The following TLL1 variants were observed in gnomAD, a reference collection of about 807,000 sequenced individuals.
TLL1 encodes tolloid-like protein 1.
Under a neutral mutation model 128.2 loss-of-function variants are expected in TLL1, and 49 were observed. The observed-to-expected ratio is 0.38, with a 90% CI of 0.30 to 0.48. The LOEUF (loss-of-function observed/expected upper bound fraction) is 0.48, where lower values mean the gene tolerates loss of function less well. Among genes scored for constraint, TLL1 ranks in the 20% least tolerant of loss-of-function variants. The pLI is 0.96. For synonymous variants in TLL1, 454 were observed against 418.8 expected (o/e 1.08, Z -1.03); for missense variants, 1,123 against 1,242.0 (o/e 0.90, Z 1.44).
chr4:166,017,089 C>T (rs1232645535), intron 8 of TLL1, among the ~76,000 whole-genome samples: 1 of 151,988 alleles, frequency 6.6e-6, no homozygotes, highest in Non-Finnish European at 1.5e-5. Context: ...TGCCGCCTCC[C>T]ACTCCCTCCC....
At chr4:165,961,787 A>G (rs940292087) in intron 1 of TLL1, among the ~76,000 whole-genome samples, 2 of 152,222 alleles carry the variant, frequency 1.3e-5, no homozygotes, top group Non-Finnish European at 2.9e-5. Flanking sequence ...ATGAAACTTG[A>G]TCTCTACCTG....
At chr4:166,087,840 T>C (rs1043156100) in intron 18 of TLL1, among the ~76,000 whole-genome samples, 1 of 152,150 alleles carries the variant, frequency 6.6e-6, no homozygotes, top group Non-Finnish European at 1.5e-5. Flanking sequence ...CCACAGCCTA[T>C]AACGAGAGTT....
At chr4:166,046,616 A>G (rs1739469806) in intron 12 of TLL1, among the ~76,000 whole-genome samples, 1 of 152,194 alleles carries the variant, frequency 6.6e-6, no homozygotes, top group Non-Finnish European at 1.5e-5. Context: ...ATTTTGAGTC[A>G]CCTAATGTGC....
chr4:166,063,008 T>A (rs79575914), intron 15 of TLL1, among the ~76,000 whole-genome samples: 65,319 of 152,048 alleles, frequency 0.43, 15,234 homozygotes, highest in African/African-American at 0.63. Flanking sequence ...TCTGTTTATA[T>A]GATGGATTAC....
chr4:166,038,212 T>C (rs1579656986), intron 9 of TLL1, among the ~76,000 whole-genome samples: 1 of 152,164 alleles, frequency 6.6e-6, no homozygotes, highest in Non-Finnish European at 1.5e-5. Flanking sequence ...TTTCTTTCCT[T>C]CCTCTCTCCT....
chr4:166,030,932 T>C (rs72974358), intron 9 of TLL1: 185,810 of 976,168 alleles, frequency 0.19, 18,682 homozygotes, highest in Middle Eastern at 0.24. Context: ...ACATTTAACT[T>C]TGTTTTAAAT....
intron 1 of TLL1, among the ~76,000 whole-genome samples, chr4:165,946,430 G>A (rs930815216): frequency 6.6e-6 from 1 of 151,704 alleles, no homozygotes; most frequent in Non-Finnish European, 1.5e-5. Context: ...TGACCTCCCA[G>A]GCTCAAGTCC....
intron 15 of TLL1, among the ~76,000 whole-genome samples, chr4:166,065,278 T>C (rs1199387000): frequency 1.3e-5 from 2 of 152,094 alleles, no homozygotes; most frequent in Non-Finnish European, 2.9e-5. Context: ...ATAATCTTTT[T>C]TATTATACAT....
rs80184553 is a variant in TLL1 at position 165,976,692 on chromosome 4, C to A, written c.170-12689C>A. ...CATAGTAGGATATTAAAGCTATACACCAATGAAACAGAATAAAAGGCTTAG... is the reference window on the plus strand; with the variant it reads ...CATAGTAGGATATTAAAGCTATACAACAATGAAACAGAATAAAAGGCTTAG... On this transcript the variant is annotated intron_variant, in intron 1 of 20. Transcript: ENST00000061240. Among the ~76,000 whole-genome samples the A allele has an allele frequency of 5.7e-3, 862 of 152,194 alleles. 6 individuals carry two copies. Among genetic ancestry groups the A allele is most frequent in the African/African-American group, 0.019 (804 of 41,522 alleles).
chr4:166,035,810 A>G (rs780951158), intron 9 of TLL1, among the ~76,000 whole-genome samples: 2 of 152,120 alleles, frequency 1.3e-5, no homozygotes, highest in Non-Finnish European at 2.9e-5. Context: ...ACAGACATAA[A>G]CAACATGTGG....
chr4:165,975,407 A>G (rs1357871672), intron 1 of TLL1, among the ~76,000 whole-genome samples: 2 of 152,164 alleles, frequency 1.3e-5, no homozygotes, highest in African/African-American at 2.4e-5. Context: ...TGTATAGGAA[A>G]AGAAATCTGC....
intron 5 of TLL1, among the ~76,000 whole-genome samples, chr4:166,001,750 G>A (rs1003791087): frequency 1.6e-4 from 24 of 149,728 alleles, no homozygotes; most frequent in African/African-American, 5.9e-4. Context: ...TGGGCCGATT[G>A]TGCCACTGCA....
chr4:165,984,594 A>G (rs1251270734), intron 1 of TLL1, among the ~76,000 whole-genome samples: 1 of 151,944 alleles, frequency 6.6e-6, no homozygotes, highest in African/African-American at 2.4e-5. Context: ...AATATCAATA[A>G]AAGCAGAAAG....
At chr4:165,984,822 T>G (rs1560790911) in intron 1 of TLL1, among the ~76,000 whole-genome samples, 1 of 151,992 alleles carries the variant, frequency 6.6e-6, no homozygotes, top group African/African-American at 2.4e-5. Context: ...AAGGCACCTG[T>G]CTTTTAATTG....
intron 1 of TLL1, among the ~76,000 whole-genome samples, chr4:165,960,796 G>A (rs1042000612): frequency 1.4e-4 from 21 of 151,950 alleles, no homozygotes; most frequent in African/African-American, 4.3e-4. Context: ...ACTAGGCATC[G>A]AAGAAACATG....
At chr4:165,984,543 T>C (rs1308269896) in intron 1 of TLL1, among the ~76,000 whole-genome samples, 1 of 151,930 alleles carries the variant, frequency 6.6e-6, no homozygotes, top group Non-Finnish European at 1.5e-5. Context: ...AGAGCAGCCT[T>C]TTCAGACCTT....
chr4:165,994,500 G>T lies in TLL1; in HGVS notation c.481G>T (p.Val161Phe). ...AACGGAAAGAATATGGCCTGGAGGC[G>T]TTATTCCTTATGTTATAGGAGGAAA... ...SRTERIWPGG[V>F]IPYVIGGNFT... Residue 161 changes from valine (V) to phenylalanine (F), a missense_variant, in exon 4 of 21, where the codon GTT becomes TTT. Val to Phe is a conservative substitution (Grantham distance 50). Transcript: ENST00000061240. 6.2e-7 allele frequency: 1 copy of T among 1,613,966 alleles called. No individual in the cohort carries two copies. Among genetic ancestry groups the T allele is most frequent in the African/African-American group, 1.3e-5 (1 of 75,024 alleles).
chr4:165,988,148 G>A (rs1736470573), intron 1 of TLL1, among the ~76,000 whole-genome samples: 1 of 152,018 alleles, frequency 6.6e-6, no homozygotes, highest in African/African-American at 2.4e-5. Flanking sequence ...GGATTGGTTG[G>A]TGTAGCTTGT....
At chr4:165,889,591 C>T (rs1731306377) in intron 1 of TLL1, among the ~76,000 whole-genome samples, 1 of 152,222 alleles carries the variant, frequency 6.6e-6, no homozygotes, top group African/African-American at 2.4e-5. Flanking sequence ...TACTGACTTG[C>T]TGCCTTCAGG....
Sources: allele counts gnomAD v4.1 joint callset (sites outside exome capture counted in the v4.1 genomes callset), GRCh38; gene constraint gnomAD v4.1.1; transcripts MANE v1.5; gene names NCBI Gene and HGNC (gene_info 2026-07-23, HGNC 2026-07-21).